Variants in PTK2 observed in about 807,000 individuals in gnomAD.
PTK2 encodes the protein protein tyrosine kinase 2, also known as focal adhesion kinase 1.
A neutral mutation model predicts 150.1 loss-of-function variants in PTK2; 45 were observed. That is an observed-to-expected ratio of 0.30 (90% CI 0.24 to 0.38). The LOEUF (loss-of-function observed/expected upper bound fraction) is 0.38. Among genes scored for constraint, PTK2 ranks in the 10% least tolerant of loss-of-function variants. The pLI is 1.00. For synonymous variants in PTK2, 432 were observed against 449.2 expected, an observed-to-expected ratio of 0.96 and a Z score of 0.48; for missense variants, 919 against 1,307.3, an observed-to-expected ratio of 0.70 and a Z score of 4.58.
intron 2 of PTK2, among the ~76,000 whole-genome samples, chr8:140,910,946 C>T (rs972091960): frequency 1.3e-5 from 2 of 152,132 alleles, no homozygotes; most frequent in African/African-American, 2.4e-5. Context: ...GGGGTAATCA[C>T]GGCTCACCGC....
At chr8:140,713,072 A>C (rs1023811179) in intron 23 of PTK2, among the ~76,000 whole-genome samples, 2 of 152,226 alleles carry the variant, frequency 1.3e-5, no homozygotes, top group Non-Finnish European at 2.9e-5. Context: ...CAGGGCTAAC[A>C]TGCCCTTCCC....
intron 29 of PTK2, chr8:140,672,121 T>C (rs1457440091): frequency 8.8e-6 from 4 of 452,200 alleles, no homozygotes; most frequent in African/African-American, 4.0e-5. Context: ...TGGTTTTTCA[T>C]TGTAATACAA....
At chr8:140,887,584 T>A (rs2100152759) in intron 3 of PTK2, among the ~76,000 whole-genome samples, 1 of 152,174 alleles carries the variant, frequency 6.6e-6, no homozygotes, top group South Asian at 2.1e-4. Flanking sequence ...AAAGTTTTGT[T>A]TTTTCTGAAC....
At chr8:140,956,327 G>C (rs761891360) in intron 1 of PTK2, among the ~76,000 whole-genome samples, 1 of 152,134 alleles carries the variant, frequency 6.6e-6, no homozygotes, top group Non-Finnish European at 1.5e-5. Context: ...CGGGAGGGTG[G>C]GGAAGCGGGG....
chr8:140,830,459 A>T lies in PTK2; in HGVS notation c.648+13T>A. On this transcript the variant is annotated intron_variant, in intron 8 of 31. Coordinates refer to ENST00000522684, the Ensembl canonical transcript of PTK2. ...TTTTGTTATTTTATTATGATAAAGG[A>T]GACTCTAATTACCTTGACAGAATCC... 6.7e-7 allele frequency: 1 copy of T among 1,499,562 alleles called. No homozygotes were observed. 92.9% of individuals were successfully genotyped at this position (1,499,562 alleles called of 1,614,324 possible).
chr8:140,830,071 G>A (rs537817826), intron 8 of PTK2, among the ~76,000 whole-genome samples: 2 of 122,024 alleles, frequency 1.6e-5, no homozygotes, highest in Non-Finnish European at 3.3e-5. Flanking sequence ...GCACTAACAT[G>A]CACGCACACA....
At position 140,880,554 on chromosome 8, in the gene PTK2, GT is replaced by G. The variant is rs373386126; in HGVS notation, c.196-918del. Among the ~76,000 whole-genome samples the G allele has an allele frequency of 4.2e-3, 645 of 151,796 alleles. 10 individuals are homozygous for G. The highest frequency in any genetic ancestry group is 0.015 in the African/African-American group (610 of 41,396). On this transcript the variant is annotated intron_variant, in intron 3 of 31. Transcript: ENST00000522684. ...CTCAATCTTTTAGGTGATAAGACAAGTTTTTTTTTAAATGATGCTGATATTA... is the reference window on the plus strand; with the variant it reads ...CTCAATCTTTTAGGTGATAAGACAAGTTTTTTTTAAATGATGCTGATATTA...
At chr8:140,958,343 C>T (rs1181346187) in intron 1 of PTK2, among the ~76,000 whole-genome samples, 2 of 152,078 alleles carry the variant, frequency 1.3e-5, no homozygotes, top group Non-Finnish European at 2.9e-5. Context: ...CAGGGTCCCA[C>T]TATGTTACCC....
At position 140,921,085 on chromosome 8, in the gene PTK2, G is replaced by A. The variant is rs980288588; in HGVS notation, c.-33+4576C>T. On this transcript the variant is annotated intron_variant, in intron 2 of 31. Transcript: ENST00000522684. ...GTTCCTTCTGTAATATTTTCCAGCA[G>A]CTTGAAGAATGCCTCTCAGTTACAG... 2.3e-6 allele frequency: 3 copies of A among 1,310,418 alleles called. No individual in the cohort carries two copies. The African/African-American group carries it at 4.6e-5, about 20-fold the overall frequency. The allele number at this position is 1,310,418 out of a possible 1,614,324, so 81.2% of individuals were successfully genotyped here.
intron 15 of PTK2, 95 bp from the exon 19 acceptor site, chr8:140,761,357 T>C: frequency 1.0e-6 from 1 of 985,418 alleles, no homozygotes; most frequent in Non-Finnish European, 1.6e-6. Flanking sequence ...TAAGTAAAAT[T>C]TCATCTGTGG....
intron 12 of PTK2, among the ~76,000 whole-genome samples, chr8:140,799,542 T>A (rs144245353): frequency 5.8e-4 from 89 of 152,294 alleles, no homozygotes; most frequent in African/African-American, 2.0e-3. Flanking sequence ...CCCTACAAAA[T>A]AGGTATCATT....
intron 16 of PTK2, among the ~76,000 whole-genome samples, chr8:140,760,350 A>G (rs962109832): frequency 1.3e-5 from 2 of 152,238 alleles, no homozygotes; most frequent in African/African-American, 4.8e-5. Context: ...TGATGAAAGG[A>G]TAAACAAAAG....
In PTK2 at chr8:140,688,365, G is replaced by A. The variant is rs546428017; in HGVS notation, c.2500-1671C>T. On this transcript the variant is annotated intron_variant, in intron 26 of 31. Transcript: ENST00000522684. Reference sequence around the variant, plus strand: ...TATAAAAAAACATGTTCCCTTTCACGTAAAAATATTCATTTAAAAGCAATA... The same window carrying A: ...TATAAAAAAACATGTTCCCTTTCACATAAAAATATTCATTTAAAAGCAATA... 3.3e-5 allele frequency among the ~76,000 whole-genome samples: 5 copies of A among 152,114 alleles called. No individual in the cohort carries two copies. The East Asian group carries it at 9.6e-4, about 29-fold the overall frequency.
At chr8:140,785,204 G>A (rs190230404) in intron 14 of PTK2, among the ~76,000 whole-genome samples, 3 of 152,264 alleles carry the variant, frequency 2.0e-5, no homozygotes, top group Admixed American at 6.5e-5. Flanking sequence ...GACACTGGTC[G>A]GTCCAAATAT....
intron 17 of PTK2, among the ~76,000 whole-genome samples, chr8:140,751,317 C>T (rs765089360): frequency 5.3e-5 from 8 of 152,070 alleles, no homozygotes; most frequent in Non-Finnish European, 8.8e-5. Context: ...TACAGGCATG[C>T]GCCACCATGC....
chr8:140,922,671 T>C (rs572080922), intron 2 of PTK2, among the ~76,000 whole-genome samples: 11 of 152,316 alleles, frequency 7.2e-5, no homozygotes, highest in African/African-American at 2.6e-4. Context: ...AACCTACAAT[T>C]ATATTCTACA....
chr8:140,752,693 T>C (rs975346423), intron 16 of PTK2, among the ~76,000 whole-genome samples: 3 of 152,258 alleles, frequency 2.0e-5, no homozygotes, highest in South Asian at 2.1e-4. Context: ...ATTAATTACA[T>C]AGTATGTTAG....
rs529179694 is a variant in PTK2, at chr8:140,743,934, T to C, written c.1635-604A>G. 3.8e-3 allele frequency among the ~76,000 whole-genome samples: 576 copies of C among 152,016 alleles called. 2 individuals carry two copies. The highest frequency in any genetic ancestry group is 6.0e-3 in the Non-Finnish European group (407 of 67,910). ...CTGGGACTACAGGCGCCCGCCACCATGCCCAGCTAATTTTTTGTATTTTTA... is the reference window on the plus strand; with the variant it reads ...CTGGGACTACAGGCGCCCGCCACCACGCCCAGCTAATTTTTTGTATTTTTA... On this transcript the variant is annotated intron_variant, in intron 19 of 31. Coordinates refer to ENST00000522684, the Ensembl canonical transcript of PTK2.
At chr8:140,887,051 A>C (rs1248977316) in intron 3 of PTK2, among the ~76,000 whole-genome samples, 1 of 152,204 alleles carries the variant, frequency 6.6e-6, no homozygotes, top group Non-Finnish European at 1.5e-5. Context: ...GCTATGGCCA[A>C]GATAAGTGAT....
Sources: gnomAD v4.1 joint callset for allele counts (sites outside exome capture counted in the v4.1 genomes callset) on GRCh38, gnomAD v4.1.1 for gene constraint, MANE v1.5 for transcripts, NCBI Gene and HGNC (gene_info 2026-07-23, HGNC 2026-07-21) for gene names.